Variants in TPR observed in about 807,000 individuals in gnomAD.
The protein encoded by TPR is nucleoprotein TPR.
TPR carries 51 observed loss-of-function variants against 316.1 expected under a neutral mutation model. That is an observed-to-expected ratio of 0.16 (90% confidence interval 0.13 to 0.20). The LOEUF (loss-of-function observed/expected upper bound fraction) is 0.20. Among genes scored for constraint, TPR ranks in the 10% least tolerant of loss-of-function variants. The pLI is 1.00. For synonymous variants in TPR, 981 were observed against 914.7 expected (o/e 1.07, Z -1.31); for missense variants, 2,272 against 2,754.8 (o/e 0.82, Z 3.92).
intron 48 of TPR, among the ~76,000 whole-genome samples, chr1:186,318,099 T>C (rs1657662224): frequency 6.6e-6 from 1 of 152,018 alleles, no homozygotes; most frequent in Non-Finnish European, 1.5e-5. Context: ...AAGACACAAA[T>C]GAGGGAGACA....
At chr1:186,338,956 C>T (rs921095078) in intron 30 of TPR, among the ~76,000 whole-genome samples, 1 of 151,894 alleles carries the variant, frequency 6.6e-6, no homozygotes, top group Non-Finnish European at 1.5e-5. Flanking sequence ...AGAGAATGTA[C>T]GTATATATAT....
At chr1:186,337,485 G>A (rs961385090) in intron 31 of TPR, among the ~76,000 whole-genome samples, 1 of 151,958 alleles carries the variant, frequency 6.6e-6, no homozygotes, top group Non-Finnish European at 1.5e-5. Flanking sequence ...GAAAAACGTC[G>A]CTTACATGTA....
Position 186,375,182 on chromosome 1 carries a change from G to A in TPR, c.-154C>T, listed in dbSNP as rs1389215277. 1 of 1,533,524 alleles carries A rather than the reference G, an allele frequency of 6.5e-7. No individual in the cohort carries two copies. The highest frequency in any genetic ancestry group is 1.2e-5 in the South Asian group (1 of 82,836). 95.0% of individuals were successfully genotyped at this position (1,533,524 alleles called of 1,614,324 possible). A position where few individuals can be genotyped will look rare whatever the true frequency, so the allele number is the denominator to read the frequency against. On this transcript the variant is annotated 5_prime_UTR_variant, in exon 1 of 51. Transcript: ENST00000367478. Reference sequence around the variant, plus strand: ...CCGCCCGCCGGAGACTCCCGCGGCGGGACCCTGGGAAATCGAGTCCACCCT... The same window carrying A: ...CCGCCCGCCGGAGACTCCCGCGGCGAGACCCTGGGAAATCGAGTCCACCCT...
At chr1:186,326,686 T>A (rs1657943698) in intron 40 of TPR, among the ~76,000 whole-genome samples, 1 of 151,244 alleles carries the variant, frequency 6.6e-6, no homozygotes, top group South Asian at 2.1e-4. Flanking sequence ...ACTTTATATA[T>A]AAAAAAATGA....
At chr1:186,350,577 A>G (rs1043341058) in intron 20 of TPR, among the ~76,000 whole-genome samples, 189 bp from the exon 21 acceptor site, 4 of 152,192 alleles carry the variant, frequency 2.6e-5, no homozygotes, top group South Asian at 2.1e-4. Context: ...ACAGAAAACC[A>G]AAGAGGTGAA....
rs566584087 is a variant in TPR at position 186,311,770 on chromosome 1, C to T, written c.*2201G>A. 1,865 of 685,440 alleles carry T rather than the reference C, an allele frequency of 2.7e-3. 13 individuals are homozygous for T. Among genetic ancestry groups the T allele is most frequent in the Middle Eastern group, 5.3e-3 (13 of 2,458 alleles). 42.5% of individuals were successfully genotyped at this position (685,440 alleles called of 1,614,324 possible). On this transcript the variant is annotated 3_prime_UTR_variant, in exon 51 of 51. Coordinates refer to ENST00000367478, the MANE Select transcript of TPR (RefSeq NM_003292.3). Reference sequence around the variant, plus strand: ...TCTTATTGCCCTCAATTTTTATTTTCATTTCTTCACAGGCAAGTCACAATT... The same window carrying T: ...TCTTATTGCCCTCAATTTTTATTTTTATTTCTTCACAGGCAAGTCACAATT...
rs760919750 is a variant in TPR, at chr1:186,312,213, G to A, written c.*1758C>T. The A allele has an allele frequency of 1.9e-6, 3 of 1,613,890 alleles. No individual in the cohort carries two copies. The highest frequency in any genetic ancestry group is 2.5e-6 in the Non-Finnish European group (3 of 1,179,942). Reference sequence around the variant, plus strand: ...GCAGTATATTTATAAACAGGAACCTGTACAGAAGTGCCCTGGAAGAAGGCC... The same window carrying A: ...GCAGTATATTTATAAACAGGAACCTATACAGAAGTGCCCTGGAAGAAGGCC... On this transcript the variant is annotated 3_prime_UTR_variant, in exon 51 of 51. Coordinates refer to ENST00000367478, the MANE Select transcript of TPR (RefSeq NM_003292.3).
Position 186,330,554 on chromosome 1 carries a change from T to TTA in TPR, c.5688+942_5688+943dup, listed in dbSNP as rs199632632. Reference sequence around the variant, plus strand: ...TATATTATATATATTTACCTACTGTTTATATGCTCAGTTCCCCTCATAAAT... The same window carrying TTA: ...TATATTATATATATTTACCTACTGTTTATATATGCTCAGTTCCCCTCATAAAT... On this transcript the variant is annotated intron_variant, in intron 39 of 50. Coordinates refer to ENST00000367478, the MANE Select transcript of TPR (RefSeq NM_003292.3). Among the ~76,000 whole-genome samples the TTA allele has an allele frequency of 3.8e-3, 571 of 152,218 alleles. 5 individuals carry two copies. Among genetic ancestry groups the TTA allele is most frequent in the African/African-American group, 0.013 (553 of 41,546 alleles).
intron 30 of TPR, 79 bp downstream of exon 30, chr1:186,339,563 A>G: frequency 1.6e-6 from 2 of 1,220,296 alleles, no homozygotes; most frequent in Non-Finnish European, 2.1e-6. Flanking sequence ...ACCAGGAGGC[A>G]GGCACTTGGG....
intron 11 of TPR, 61 bp downstream of exon 11, chr1:186,360,212 A>T: frequency 6.5e-7 from 1 of 1,539,106 alleles, no homozygotes. Context: ...TTAAATTTTG[A>T]AGAGATTTGT....
chr1:186,320,168 T>C (rs946380384), intron 46 of TPR, 144 bp downstream of exon 46: 28 of 692,972 alleles, frequency 4.0e-5, no homozygotes, highest in Non-Finnish European at 5.7e-5. Flanking sequence ...ATAAGTATAC[T>C]ACAGCATTTA....
At position 186,356,355 on chromosome 1, in the gene TPR, T is replaced by C. The variant is rs1379028680; in HGVS notation, c.1819A>G (p.Ile607Val). Residue 607 changes from isoleucine (I) to valine (V), a missense_variant, in exon 15 of 51, where the codon ATA becomes GTA. By Grantham distance (29) the Ile-to-Val change is conservative. Coordinates refer to ENST00000367478, the MANE Select transcript of TPR (RefSeq NM_003292.3). The stretch of plus-strand genomic sequence containing the variant: ...CGGTACATATCACGCTGACGAACTA[T>C]GGAATCAACAAGCTGCATTTGATGC... ...RQHQMQLVDSIVRQRDMYRIL... is the reference protein window; with the variant it reads ...RQHQMQLVDSVVRQRDMYRIL... The C allele has an allele frequency of 6.2e-7, 1 of 1,613,958 alleles. No individual in the cohort carries two copies. Among genetic ancestry groups the C allele is most frequent in the East Asian group, 2.2e-5 (1 of 44,872 alleles).
intron 4 of TPR, among the ~76,000 whole-genome samples, chr1:186,366,826 A>T (rs987261457): frequency 6.6e-6 from 1 of 150,694 alleles, no homozygotes; most frequent in Non-Finnish European, 1.5e-5. Flanking sequence ...AATATGGAAT[A>T]CACATTTTTA....
chr1:186,336,108 C>T (rs1003934870), intron 33 of TPR, among the ~76,000 whole-genome samples: 2 of 152,024 alleles, frequency 1.3e-5, no homozygotes, highest in East Asian at 3.9e-4. Flanking sequence ...TAGAGGGGTC[C>T]TCCACCAAAC....
In TPR at chr1:186,359,852, G is replaced by A. The variant is rs1266844942; in HGVS notation, c.1336C>T (p.Arg446Cys). 23 of 1,599,748 alleles carry A rather than the reference G, an allele frequency of 1.4e-5. No individual in the cohort carries two copies. Among genetic ancestry groups the A allele is most frequent in the African/African-American group, 2.7e-5 (2 of 73,632 alleles). Reference sequence around the variant, plus strand: ...AAACTTGCTACAGCTTTCTGTGCACGTTCATATTCCTCACGCTGGCGTTTC... The same window carrying A: ...AAACTTGCTACAGCTTTCTGTGCACATTCATATTCCTCACGCTGGCGTTTC... ...ILKRQREEYE[R>C]AQKAVASLSV... The change falls in exon 12 of 51, where the codon CGT becomes TGT. Residue 446 changes from arginine to cysteine, a missense_variant. Arg to Cys is a radical substitution (Grantham distance 180, BLOSUM62 -3). Coordinates refer to ENST00000367478, the MANE Select transcript of TPR (RefSeq NM_003292.3).
intron 14 of TPR, 154 bp downstream of exon 14, chr1:186,357,243 T>G: frequency 1.5e-6 from 1 of 674,422 alleles, no homozygotes. Context: ...AGACATGGTC[T>G]CACTATGTCG....
chr1:186,355,703 A>C lies in TPR; in HGVS notation c.1954T>G (p.Ser652Ala). 1 of 1,614,136 alleles carries C rather than the reference A, an allele frequency of 6.2e-7. No homozygotes were observed. Among genetic ancestry groups the C allele is most frequent in the Non-Finnish European group, 8.5e-7 (1 of 1,180,008 alleles). The change falls in exon 16 of 51, where the codon TCC becomes GCC. Residue 652 changes from serine to alanine, a missense_variant. Coordinates refer to ENST00000367478, the MANE Select transcript of TPR (RefSeq NM_003292.3). Reference sequence around the variant, plus strand: ...ATAACAGGTACTGGAGCAGGAGTGGAAACAGTCTGTGATGTACTTGGACGT... The same window carrying C: ...ATAACAGGTACTGGAGCAGGAGTGGCAACAGTCTGTGATGTACTTGGACGT... ...PKRPSTSQTV[S>A]TPAPVPVIES...
chr1:186,343,893 G>T lies in TPR; in HGVS notation c.3602+13C>A. 6.2e-7 allele frequency: 1 copy of T among 1,606,436 alleles called. No homozygotes were observed. Among genetic ancestry groups the T allele is most frequent in the South Asian group, 1.1e-5 (1 of 90,420 alleles). ...TTATACCACAGAAATGAAGCAGTAAGAACATGATTTACCTGAGAATTTCCA... is the reference window on the plus strand; with the variant it reads ...TTATACCACAGAAATGAAGCAGTAATAACATGATTTACCTGAGAATTTCCA... On this transcript the variant is annotated intron_variant, in intron 26 of 50. Coordinates refer to ENST00000367478, the MANE Select transcript of TPR (RefSeq NM_003292.3).
intron 2 of TPR, among the ~76,000 whole-genome samples, chr1:186,372,178 G>A (rs114031560): frequency 3.2e-4 from 48 of 152,314 alleles, no homozygotes; most frequent in African/African-American, 1.1e-3. Flanking sequence ...AAGGAAAGCT[G>A]CAATTTTAAT....
Sources: gnomAD v4.1 joint callset for allele counts (sites outside exome capture counted in the v4.1 genomes callset) on GRCh38, gnomAD v4.1.1 for gene constraint, MANE v1.5 for transcripts, NCBI Gene and HGNC (gene_info 2026-07-23, HGNC 2026-07-21) for gene names.